The following ENTPD7 variants were observed in gnomAD, a reference collection of about 807,000 sequenced individuals.
ENTPD7 encodes the protein NTPDase 7.
Under a neutral mutation model 77.9 loss-of-function variants are expected in ENTPD7, and 53 were observed. The observed-to-expected ratio is 0.68, with a 90% CI of 0.55 to 0.85. The LOEUF (loss-of-function observed/expected upper bound fraction) is 0.85, where lower values mean the gene tolerates loss of function less well. Among genes scored for constraint, ENTPD7 ranks in the 40% least tolerant of loss-of-function variants. The probability of loss-of-function intolerance (pLI) is 0.00; values close to 1 mark genes in which losing one functional copy is unlikely to be tolerated. For synonymous variants in ENTPD7, 248 were observed against 274.9 expected, an observed-to-expected ratio of 0.90 and a Z score of 0.97; for missense variants, 636 against 743.7, an observed-to-expected ratio of 0.86 and a Z score of 1.68.
chr10:99,661,329 A>C, intron 2 of ENTPD7, 117 bp from the exon 3 acceptor site: 1 of 788,282 alleles, frequency 1.3e-6, no homozygotes, highest in Non-Finnish European at 1.9e-6. Flanking sequence ...GAACATTTAG[A>C]CTTCTGTTGG....
chr10:99,675,848 G>A (rs1177046679), intron 3 of ENTPD7, among the ~76,000 whole-genome samples: 1 of 152,088 alleles, frequency 6.6e-6, no homozygotes, highest in African/African-American at 2.4e-5. Flanking sequence ...CACCCACCTC[G>A]GCCTCCCAAA....
At chr10:99,674,704 G>A (rs2035659150) in intron 3 of ENTPD7, among the ~76,000 whole-genome samples, 1 of 152,142 alleles carries the variant, frequency 6.6e-6, no homozygotes, top group African/African-American at 2.4e-5. Flanking sequence ...ATCTGTTGAT[G>A]GACATTTGGG....
At chr10:99,693,126 C>G (rs912809714) in intron 8 of ENTPD7, among the ~76,000 whole-genome samples, 3 of 152,002 alleles carry the variant, frequency 2.0e-5, no homozygotes, top group African/African-American at 7.3e-5. Context: ...GAGGATCTAT[C>G]CTAGATAACC....
rs898175985 is a variant in ENTPD7, at chr10:99,706,511, T to A, written c.*1828T>A. On this transcript the variant is annotated 3_prime_UTR_variant, in exon 13 of 13. Coordinates refer to ENST00000370489, the MANE Select transcript of ENTPD7 (RefSeq NM_020354.5). Reference sequence around the variant, plus strand: ...CCACCACACTCAGCTAATTTTTTATTTTATTTTTTTAGAGATGGAGTCTGT... The same window carrying A: ...CCACCACACTCAGCTAATTTTTTATATTATTTTTTTAGAGATGGAGTCTGT... 5.4e-4 allele frequency among the ~76,000 whole-genome samples: 23 copies of A among 42,348 alleles called. No homozygotes were observed. In the Admixed American group the frequency reaches 6.7e-3, roughly 12 times the overall value. The allele number at this position is 42,348 out of a possible 152,430, so 27.8% of individuals were successfully genotyped here.
intron 2 of ENTPD7, 56 bp downstream of exon 2, chr10:99,660,020 T>C: frequency 2.5e-6 from 4 of 1,612,916 alleles, no homozygotes; most frequent in South Asian, 1.1e-5. Flanking sequence ...GGCAGGCAGG[T>C]TGGGGGGCCC....
Position 99,698,869 on chromosome 10 carries a change from A to C in ENTPD7, c.1335+11A>C. 1 of 1,578,786 alleles carries C rather than the reference A, an allele frequency of 6.3e-7. No individual in the cohort carries two copies. Among genetic ancestry groups the C allele is most frequent in the Non-Finnish European group, 8.6e-7 (1 of 1,161,986 alleles). ...GCCAAGGCTGCTCAGGTAAATTATT[A>C]ATGATAAACATGGCTTATGCTGGCA... is the stretch of plus-strand genomic sequence containing the variant. On this transcript the variant is annotated intron_variant, in intron 10 of 12. Coordinates refer to ENST00000370489, the MANE Select transcript of ENTPD7 (RefSeq NM_020354.5).
chr10:99,710,670 C>T lies in ENTPD7; in HGVS notation c.*5987C>T. 1.0e-6 allele frequency: 1 copy of T among 985,300 alleles called. No individual in the cohort carries two copies. The highest frequency in any genetic ancestry group is 1.2e-6 in the Non-Finnish European group (1 of 829,798). The allele number at this position is 985,300 out of a possible 1,614,324, so 61.0% of individuals were successfully genotyped here. A position where few individuals can be genotyped will look rare whatever the true frequency, so the allele number is the denominator to read the frequency against. ...TGCAGGGACATGGGTATATGTGTTA[C>T]ATATGCTGATATATAACCCACCATT... is the stretch of plus-strand genomic sequence containing the variant. On this transcript the variant is annotated 3_prime_UTR_variant, in exon 13 of 13. Transcript: ENST00000370489.
In ENTPD7 at chr10:99,696,052, G is replaced by C. The variant is rs1590054413; in HGVS notation, c.940G>C (p.Gly314Arg). The change falls in exon 9 of 13, where the codon GGT (glycine) becomes CGT (arginine). Residue 314 changes from glycine (G) to arginine (R), a missense_variant. Around this residue, in one of 3 missense-constraint regions of ENTPD7, gnomAD observed 486 missense variants for 556.5 expected, o/e 0.87. Coordinates refer to ENST00000370489, the MANE Select transcript of ENTPD7 (RefSeq NM_020354.5). ...VYRVYVTTFL[G>R]FGGNFARQRY... ...CAGGGTTTATGTCACAACTTTTCTG[G>C]GTTTCGGAGGCAACTTTGCCCGGCA... 2 of 1,614,160 alleles carry C rather than the reference G, an allele frequency of 1.2e-6. No homozygotes were observed. Among genetic ancestry groups the C allele is most frequent in the Non-Finnish European group, 1.7e-6 (2 of 1,180,020 alleles).
Position 99,659,707 on chromosome 10 carries a change from C to T in ENTPD7, c.-96+119C>T, listed in dbSNP as rs2133428840. 4.2e-6 allele frequency: 2 copies of T among 476,580 alleles called. No homozygotes were observed. Among genetic ancestry groups the T allele is most frequent in the African/African-American group, 2.0e-5 (1 of 50,036 alleles). The allele number at this position is 476,580 out of a possible 1,614,324, so 29.5% of individuals were successfully genotyped here. Reference sequence around the variant, plus strand: ...AGGACAGAGCTGGCCCACGAGAACGCCCCGCTCCCAGGATGCCCGGGTAGG... The same window carrying T: ...AGGACAGAGCTGGCCCACGAGAACGTCCCGCTCCCAGGATGCCCGGGTAGG... On this transcript the variant is annotated intron_variant, in intron 1 of 12. Coordinates refer to ENST00000370489, the MANE Select transcript of ENTPD7 (RefSeq NM_020354.5). This position sits in a 1 kb window ranked among gnomAD's most constrained non-coding sequence, Gnocchi z 4.1.
rs376174841 is a variant in ENTPD7, at chr10:99,685,788, G to T, written c.549-4G>T. ...ACTTTGGGATTTTTTGTTCTTTCTT[G>T]CAGGAAGCAGTTGGCTATCTTGGCT... On this transcript the variant is annotated splice_polypyrimidine_tract_variant and splice_region_variant and intron_variant, in intron 5 of 12. Coordinates refer to ENST00000370489, the MANE Select transcript of ENTPD7 (RefSeq NM_020354.5). 1.9e-5 allele frequency: 31 copies of T among 1,611,530 alleles called. No individual in the cohort carries two copies. The African/African-American group carries it at 3.6e-4, about 19-fold the overall frequency.
In ENTPD7 at chr10:99,708,792, T is replaced by C. The variant is rs2036301734; in HGVS notation, c.*4109T>C. The C allele has an allele frequency of 2.0e-6, 2 of 984,018 alleles. No individual in the cohort carries two copies. Among genetic ancestry groups the C allele is most frequent in the African/African-American group, 3.5e-5 (2 of 57,224 alleles). 61.0% of individuals were successfully genotyped at this position (984,018 alleles called of 1,614,324 possible). On this transcript the variant is annotated 3_prime_UTR_variant, in exon 13 of 13. Coordinates refer to ENST00000370489, the MANE Select transcript of ENTPD7 (RefSeq NM_020354.5). ...AAACTGAGGCCTAGAGCAGTTGTAA[T>C]ATGTGCAAAGTCATAGTGACTGGCC...
Position 99,709,887 on chromosome 10 carries a change from T to G in ENTPD7, c.*5204T>G. On this transcript the variant is annotated 3_prime_UTR_variant, in exon 13 of 13. Coordinates refer to ENST00000370489, the MANE Select transcript of ENTPD7 (RefSeq NM_020354.5). ...ACACCAGTTGACCATTTTGTTTCTC[T>G]GAAAATCTGAGCAATACGGAGATCC... 1 of 985,494 alleles carries G rather than the reference T, an allele frequency of 1.0e-6. No individual in the cohort carries two copies. Among genetic ancestry groups the G allele is most frequent in the Non-Finnish European group, 1.2e-6 (1 of 829,926 alleles). The allele number at this position is 985,494 out of a possible 1,614,324, so 61.0% of individuals were successfully genotyped here.
At chr10:99,661,360 A>C (rs551735351) in intron 2 of ENTPD7, 86 bp from the exon 3 acceptor site, 5 of 1,229,308 alleles carry the variant, frequency 4.1e-6, no homozygotes, top group Non-Finnish European at 5.6e-6. Context: ...TGCCTTTATT[A>C]GGAGGGTTTT....
In ENTPD7 at chr10:99,706,068, C is replaced by G. The variant is rs1172132017; in HGVS notation, c.*1385C>G. 1 of 152,076 alleles carries G rather than the reference C, an allele frequency of 6.6e-6. No individual in the cohort carries two copies. The highest frequency in any genetic ancestry group is 1.5e-5 in the Non-Finnish European group (1 of 68,016). The allele number at this position is 152,076 out of a possible 1,614,324, so 9.4% of individuals were successfully genotyped here. Reference sequence around the variant, plus strand: ...GAGCATTTTCTTTTCTTTTCGTCACCTTTGATTTTTGGGATTAGATTAATA... The same window carrying G: ...GAGCATTTTCTTTTCTTTTCGTCACGTTTGATTTTTGGGATTAGATTAATA... On this transcript the variant is annotated 3_prime_UTR_variant, in exon 13 of 13. Coordinates refer to ENST00000370489, the MANE Select transcript of ENTPD7 (RefSeq NM_020354.5).
At position 99,659,716 on chromosome 10, in the gene ENTPD7, C is replaced by A; in HGVS notation, c.-96+128C>A. On this transcript the variant is annotated intron_variant, in intron 1 of 12. Coordinates refer to ENST00000370489, the MANE Select transcript of ENTPD7 (RefSeq NM_020354.5). This position sits in a 1 kb window ranked among gnomAD's most constrained non-coding sequence, Gnocchi z 4.1. Reference sequence around the variant, plus strand: ...CTGGCCCACGAGAACGCCCCGCTCCCAGGATGCCCGGGTAGGGTCCCCTGG... The same window carrying A: ...CTGGCCCACGAGAACGCCCCGCTCCAAGGATGCCCGGGTAGGGTCCCCTGG... 1 of 493,606 alleles carries A rather than the reference C, an allele frequency of 2.0e-6. No homozygotes were observed. Among genetic ancestry groups the A allele is most frequent in the Non-Finnish European group, 3.6e-6 (1 of 276,618 alleles). The allele number at this position is 493,606 out of a possible 1,614,324, so 30.6% of individuals were successfully genotyped here.
chr10:99,709,602 G>C lies in ENTPD7; in HGVS notation c.*4919G>C, dbSNP rs2036321836. 1.0e-6 allele frequency: 1 copy of C among 985,204 alleles called. No homozygotes were observed. The highest frequency in any genetic ancestry group is 6.1e-5 in the Admixed American group (1 of 16,262). 61.0% of individuals were successfully genotyped at this position (985,204 alleles called of 1,614,324 possible). Reference sequence around the variant, plus strand: ...ATATACCTCAAATTGAAAACTTTTAGGTTGTGTTCTTGGCTCATTCTCTCA... The same window carrying C: ...ATATACCTCAAATTGAAAACTTTTACGTTGTGTTCTTGGCTCATTCTCTCA... On this transcript the variant is annotated 3_prime_UTR_variant, in exon 13 of 13. Coordinates refer to ENST00000370489, the MANE Select transcript of ENTPD7 (RefSeq NM_020354.5).
At chr10:99,694,087 C>T (rs1396000068) in intron 8 of ENTPD7, among the ~76,000 whole-genome samples, 1 of 152,112 alleles carries the variant, frequency 6.6e-6, no homozygotes, top group Admixed American at 6.6e-5. Context: ...TATGTACATT[C>T]ACAAAGTTGT....
intron 3 of ENTPD7, among the ~76,000 whole-genome samples, chr10:99,667,266 C>A (rs960405642): frequency 1.3e-5 from 2 of 152,184 alleles, no homozygotes; most frequent in Non-Finnish European, 2.9e-5. Context: ...TCACTCAGGG[C>A]AGCCTCCATG....
intron 3 of ENTPD7, among the ~76,000 whole-genome samples, chr10:99,674,407 C>G (rs2035655448): frequency 6.6e-6 from 1 of 152,162 alleles, no homozygotes; most frequent in South Asian, 2.1e-4. Flanking sequence ...ACACAGATCT[C>G]CAGAATTTTT....
Sources: allele counts gnomAD v4.1 joint callset (sites outside exome capture counted in the v4.1 genomes callset), GRCh38; gene constraint gnomAD v4.1.1; regional missense constraint gnomAD v4.1.1; non-coding constraint Gnocchi (gnomAD v3.1); transcripts MANE v1.5; gene names NCBI Gene and HGNC (gene_info 2026-07-23, HGNC 2026-07-21).